CAMTA1: variants seen among roughly 807,000 people sequenced by gnomAD.
CAMTA1 encodes calmodulin-binding transcription activator 1.
A neutral mutation model predicts 170.9 loss-of-function variants in CAMTA1; 27 were observed. That is an observed-to-expected ratio of 0.16 (90% CI 0.12 to 0.22). The LOEUF is 0.22. CAMTA1 is among the 10% of genes least tolerant of loss of function. The pLI, the probability that CAMTA1 is intolerant of heterozygous loss-of-function variation, is 1.00. For synonymous variants in CAMTA1, 833 were observed against 891.5 expected, an observed-to-expected ratio of 0.93 and a Z score of 1.17; for missense variants, 1,619 against 2,217.2, an observed-to-expected ratio of 0.73 and a Z score of 5.42.
intron 6 of CAMTA1, among the ~76,000 whole-genome samples, chr1:7,489,794 C>T (rs1188527994): frequency 6.6e-6 from 1 of 152,230 alleles, no homozygotes; most frequent in Admixed American, 6.5e-5. Context: ...GGAGCAGTTC[C>T]CATGCCAGGG....
intron 6 of CAMTA1, among the ~76,000 whole-genome samples, chr1:7,574,010 G>C (rs889485189): frequency 3.0e-5 from 4 of 134,024 alleles, no homozygotes; most frequent in Non-Finnish European, 5.9e-5. Flanking sequence ...CTGACCTCAG[G>C]TGATCCATCT....
At chr1:7,053,711 A>G (rs539391918) in intron 3 of CAMTA1, among the ~76,000 whole-genome samples, 6 of 152,138 alleles carry the variant, frequency 3.9e-5, no homozygotes, top group Non-Finnish European at 7.4e-5. Context: ...CTTGCCTGCA[A>G]TGCCCTTCCC....
chr1:7,376,514 A>G (rs1193003134), intron 5 of CAMTA1, among the ~76,000 whole-genome samples: 1 of 152,194 alleles, frequency 6.6e-6, no homozygotes, highest in Non-Finnish European at 1.5e-5. Flanking sequence ...TGCCTAATTT[A>G]GTGAGTCCAG....
At chr1:7,729,140 A>G (rs2096713868) in intron 11 of CAMTA1, among the ~76,000 whole-genome samples, 1 of 147,124 alleles carries the variant, frequency 6.8e-6, no homozygotes, top group Non-Finnish European at 1.5e-5. Flanking sequence ...TTTTTGAGAC[A>G]GAGTCTCACT....
chr1:7,724,306 A>C (rs1355041318), intron 11 of CAMTA1, among the ~76,000 whole-genome samples: 1 of 152,250 alleles, frequency 6.6e-6, no homozygotes, highest in East Asian at 1.9e-4. Context: ...TAGCTCTAAT[A>C]TACCAATACT....
chr1:7,499,585 C>A (rs111161909), intron 6 of CAMTA1, among the ~76,000 whole-genome samples: 2 of 86,528 alleles, frequency 2.3e-5, no homozygotes, highest in Non-Finnish European at 4.6e-5. Flanking sequence ...GTGAGCCTGG[C>A]GTGAGTGCGT....
intron 5 of CAMTA1, among the ~76,000 whole-genome samples, chr1:7,304,994 C>T (rs12405401): frequency 0.15 from 23,519 of 151,796 alleles, 2,471 homozygotes; most frequent in Non-Finnish European, 0.21. Flanking sequence ...TAATTTAAAT[C>T]TCTGAATGAT....
At position 7,737,977 on chromosome 1, in the gene CAMTA1, C is replaced by T. The variant is rs780958930; in HGVS notation, c.3677C>T (p.Ser1226Phe). ...STNPELRRPR[S>F]EPSNYYSSES... is the part of the protein sequence containing the mutation. ...TTTTCAGAGCTGAGAAGACCTCGTT[C>T]TGAACCCTCTAATTACTACAGCAGT... is the stretch of plus-strand genomic sequence containing the variant. The change falls in exon 16 of 23, where the codon TCT (serine) becomes TTT (phenylalanine). Residue 1226 changes from serine to phenylalanine, a missense_variant. This residue lies in a region of CAMTA1 where 370 missense variants were observed against 429.4 expected (regional missense o/e 0.86). Transcript: ENST00000303635. 6.2e-7 allele frequency: 1 copy of T among 1,610,704 alleles called. No individual in the cohort carries two copies. Among genetic ancestry groups the T allele is most frequent in the South Asian group, 1.1e-5 (1 of 90,824 alleles).
At chr1:7,474,520 T>C (rs1359683029) in intron 6 of CAMTA1, among the ~76,000 whole-genome samples, 4 of 152,228 alleles carry the variant, frequency 2.6e-5, no homozygotes, top group East Asian at 3.9e-4. Flanking sequence ...CAGCACCAGG[T>C]AGACCTGTAA....
intron 6 of CAMTA1, among the ~76,000 whole-genome samples, chr1:7,590,697 C>G (rs971280266): frequency 6.6e-6 from 1 of 152,212 alleles, no homozygotes; most frequent in African/African-American, 2.4e-5. Flanking sequence ...AAGCACAGCC[C>G]TGGTCACTTT....
chr1:7,547,052 T>C lies in CAMTA1; in HGVS notation c.510+79151T>C, dbSNP rs1269370392. Among the ~76,000 whole-genome samples, 1 of 152,228 alleles carries C rather than the reference T, an allele frequency of 6.6e-6. No individual in the cohort carries two copies. The highest frequency in any genetic ancestry group is 1.5e-5 in the Non-Finnish European group (1 of 68,040). On this transcript the variant is annotated intron_variant, in intron 6 of 22. Coordinates refer to ENST00000303635, the MANE Select transcript of CAMTA1 (RefSeq NM_015215.4). This position sits in a 1 kb window ranked among gnomAD's most constrained non-coding sequence, Gnocchi z 5.7. ...TTTTATTCAATGGATTATAATCTAT[T>C]ACCATTGTTATTTATTTCAGTGTTC...
Position 6,831,724 on chromosome 1 carries a change from C to G in CAMTA1, c.234+6514C>G, listed in dbSNP as rs562331774. ...ACACAGTTTCTCTAGAGTAAGCAAA[C>G]AAAATAGAATTCTAGTTTGTACTGA... is the stretch of plus-strand genomic sequence containing the variant. On this transcript the variant is annotated intron_variant, in intron 3 of 22. Transcript: ENST00000303635. Among the ~76,000 whole-genome samples, 34 of 152,232 alleles carry G rather than the reference C, an allele frequency of 2.2e-4. 1 individual carries two copies. The highest frequency in any genetic ancestry group is 3.3e-4 in the Admixed American group (5 of 15,294).
chr1:7,762,323 C>A (rs757658629), intron 22 of CAMTA1, among the ~76,000 whole-genome samples: 31 of 152,178 alleles, frequency 2.0e-4, no homozygotes, highest in Non-Finnish European at 3.5e-4. Flanking sequence ...TAACATCTGC[C>A]TGAATAATCA....
intron 5 of CAMTA1, among the ~76,000 whole-genome samples, chr1:7,253,813 G>A (rs1161179646): frequency 6.6e-6 from 1 of 152,102 alleles, no homozygotes; most frequent in Non-Finnish European, 1.5e-5. Flanking sequence ...AGACTTTTCA[G>A]ATGAAGTCAG....
chr1:7,238,870 G>A (rs1664361202), intron 4 of CAMTA1, among the ~76,000 whole-genome samples: 1 of 152,186 alleles, frequency 6.6e-6, no homozygotes, highest in African/African-American at 2.4e-5. Flanking sequence ...GTGACAGAGC[G>A]AGACTCCATC....
At chr1:6,979,378 G>A (rs1014620670) in intron 3 of CAMTA1, among the ~76,000 whole-genome samples, 1 of 152,174 alleles carries the variant, frequency 6.6e-6, no homozygotes, top group Non-Finnish European at 1.5e-5. Flanking sequence ...CTGCATCAAG[G>A]TGCTAAATGG....
chr1:6,964,440 G>T (rs1691163472), intron 3 of CAMTA1, among the ~76,000 whole-genome samples: 1 of 152,172 alleles, frequency 6.6e-6, no homozygotes, highest in African/African-American at 2.4e-5. Flanking sequence ...GGATGTCATA[G>T]AACTTGGAAG....
At chr1:7,194,658 T>C (rs1298301596) in intron 4 of CAMTA1, among the ~76,000 whole-genome samples, 1 of 152,216 alleles carries the variant, frequency 6.6e-6, no homozygotes, top group Admixed American at 6.5e-5. Context: ...AAATAGCCCT[T>C]TATTTGTGGC....
At position 7,499,766 on chromosome 1, in the gene CAMTA1, TGTGA is replaced by T. The variant is rs758313559; in HGVS notation, c.510+31869_510+31872del. On this transcript the variant is annotated intron_variant, in intron 6 of 22. Coordinates refer to ENST00000303635, the MANE Select transcript of CAMTA1 (RefSeq NM_015215.4). ...TGTAGAGAGGATTGTGTGAGCCTGT[TGTGA>T]GTGTGTGTGTCCATGAGTGTGTGTG... is the stretch of plus-strand genomic sequence containing the variant. 7.4e-4 allele frequency among the ~76,000 whole-genome samples: 98 copies of T among 131,922 alleles called. 4 individuals are homozygous for T. The highest frequency in any genetic ancestry group is 1.2e-3 in the Non-Finnish European group (78 of 63,924). The allele number at this position is 131,922 out of a possible 152,430, so 86.5% of individuals were successfully genotyped here. A position where few individuals can be genotyped will look rare whatever the true frequency, so the allele number is the denominator to read the frequency against.
Sources: gnomAD v4.1 joint callset for allele counts (sites outside exome capture counted in the v4.1 genomes callset) on GRCh38, gnomAD v4.1.1 for gene constraint, gnomAD v4.1.1 regional missense constraint, Gnocchi (gnomAD v3.1) non-coding constraint, MANE v1.5 for transcripts, NCBI Gene and HGNC (gene_info 2026-07-23, HGNC 2026-07-21) for gene names.